Variants in STXBP6 observed in about 807,000 individuals in gnomAD.
STXBP6 encodes the protein syntaxin binding protein 6, also known as syntaxin-binding protein 6.
STXBP6 carries 21 observed loss-of-function variants against 26.9 expected under a neutral mutation model. The observed-to-expected ratio is 0.78, with a 90% CI of 0.55 to 1.12. The LOEUF (loss-of-function observed/expected upper bound fraction) is 1.12. Among genes scored for constraint, STXBP6 ranks in the 50% most tolerant of loss-of-function variants. The pLI, the probability that STXBP6 is intolerant of heterozygous loss-of-function variation, is 0.00. For synonymous variants in STXBP6, 97 were observed against 92.6 expected (o/e 1.05, Z -0.27); for missense variants, 232 against 257.9 (o/e 0.90, Z 0.69).
chr14:25,024,244 G>A (rs2075308703), intron 1 of STXBP6, among the ~76,000 whole-genome samples: 2 of 152,104 alleles, frequency 1.3e-5, no homozygotes, highest in Non-Finnish European at 2.9e-5. Flanking sequence ...GAGAGGCGGA[G>A]GTTGCAGTGA....
At chr14:24,937,186 T>C (rs1484127957) in intron 2 of STXBP6, among the ~76,000 whole-genome samples, 1 of 152,178 alleles carries the variant, frequency 6.6e-6, no homozygotes, top group Non-Finnish European at 1.5e-5. Flanking sequence ...ATACCTAATG[T>C]AGGTGACAAG....
At chr14:25,008,216 CT>C (rs1204959050) in intron 1 of STXBP6, among the ~76,000 whole-genome samples, 1 of 152,182 alleles carries the variant, frequency 6.6e-6, no homozygotes, top group East Asian at 1.9e-4. Flanking sequence ...AAAAGTTTAT[CT>C]TTTTGGCCAG....
rs555075446 is a variant in STXBP6, at chr14:24,990,777, A to G, written c.-32-15927T>C. Among the ~76,000 whole-genome samples the G allele has an allele frequency of 5.8e-4, 89 of 152,150 alleles. 1 individual carries two copies. The highest frequency in any genetic ancestry group is 2.1e-3 in the African/African-American group (88 of 41,508). ...TTATGCAGAAAGAGGCTGAGAGAAG[A>G]AGGTTGATCACATACAAGCAAATGC... is the stretch of plus-strand genomic sequence containing the variant. On this transcript the variant is annotated intron_variant, in intron 1 of 5. Transcript: ENST00000323944.
At chr14:24,825,428 A>G (rs1268655567) in intron 4 of STXBP6, among the ~76,000 whole-genome samples, 1 of 152,210 alleles carries the variant, frequency 6.6e-6, no homozygotes. Flanking sequence ...TTCAAGGACC[A>G]AGAAACTTAC....
chr14:24,984,773 C>T (rs1441515377), intron 1 of STXBP6, among the ~76,000 whole-genome samples: 2 of 152,118 alleles, frequency 1.3e-5, no homozygotes, highest in Non-Finnish European at 2.9e-5. Flanking sequence ...TATTAATATG[C>T]TTATACTCCG....
intron 4 of STXBP6, among the ~76,000 whole-genome samples, chr14:24,824,545 C>T (rs2068229850): frequency 6.6e-6 from 1 of 152,170 alleles, no homozygotes; most frequent in African/African-American, 2.4e-5. Flanking sequence ...ATACCAAGCT[C>T]TTTCTATATT....
In STXBP6 at chr14:24,968,249, T is replaced by C. The variant is rs113656716; in HGVS notation, c.154+6416A>G. Among the ~76,000 whole-genome samples, 91 of 150,928 alleles carry C rather than the reference T, an allele frequency of 6.0e-4. 1 individual carries two copies. The highest frequency in any genetic ancestry group is 2.1e-3 in the African/African-American group (87 of 41,284). ...CACTGCTAATACCTTTGTGTGCCTC[T>C]GACTTCAGTGTGAATTTCTTCGTTT... On this transcript the variant is annotated intron_variant, in intron 2 of 5. Coordinates refer to ENST00000323944, the MANE Select transcript of STXBP6 (RefSeq NM_001394410.1).
At chr14:24,821,342 C>T (rs2068125809) in intron 4 of STXBP6, among the ~76,000 whole-genome samples, 2 of 152,318 alleles carry the variant, frequency 1.3e-5, no homozygotes, top group Admixed American at 6.5e-5. Flanking sequence ...GATCTTCACT[C>T]GTGTTTCTGG....
intron 4 of STXBP6, among the ~76,000 whole-genome samples, chr14:24,847,385 C>A (rs989136531): frequency 5.9e-5 from 9 of 152,110 alleles, no homozygotes; most frequent in African/African-American, 2.2e-4. Flanking sequence ...AGAACAGCCC[C>A]TTTAGTCTCA....
At chr14:24,821,791 T>A (rs1337803149) in intron 4 of STXBP6, among the ~76,000 whole-genome samples, 1 of 152,184 alleles carries the variant, frequency 6.6e-6, no homozygotes, top group Non-Finnish European at 1.5e-5. Flanking sequence ...CACCTGTAGA[T>A]GCAATGACTT....
chr14:24,927,322 T>C (rs1415087879), intron 2 of STXBP6, among the ~76,000 whole-genome samples: 1 of 152,184 alleles, frequency 6.6e-6, no homozygotes, highest in Non-Finnish European at 1.5e-5. Flanking sequence ...CAATCCACAT[T>C]CCCTGAAATG....
intron 1 of STXBP6, among the ~76,000 whole-genome samples, chr14:25,044,147 G>T (rs931428799): frequency 7.2e-6 from 1 of 138,100 alleles, no homozygotes; most frequent in African/African-American, 2.8e-5. Context: ...CTTCAGCCTG[G>T]GAGACAGAAT....
intron 1 of STXBP6, among the ~76,000 whole-genome samples, chr14:24,991,207 G>A (rs982909295): frequency 2.6e-5 from 4 of 151,912 alleles, no homozygotes; most frequent in African/African-American, 9.7e-5. Context: ...AGAAAAGGAA[G>A]CATCCAGAAC....
intron 2 of STXBP6, among the ~76,000 whole-genome samples, chr14:24,955,784 C>T (rs2073324133): frequency 6.6e-6 from 1 of 152,204 alleles, no homozygotes. Flanking sequence ...CAGGAGACAA[C>T]AACCACAGTA....
intron 4 of STXBP6, among the ~76,000 whole-genome samples, chr14:24,824,034 T>C (rs1025749962): frequency 6.6e-6 from 1 of 152,224 alleles, no homozygotes; most frequent in African/African-American, 2.4e-5. Context: ...GTACCTAAGG[T>C]ACAATTAAGT....
chr14:24,852,950 ATCTC>A (rs1399004302), intron 4 of STXBP6, among the ~76,000 whole-genome samples: 3 of 152,120 alleles, frequency 2.0e-5, no homozygotes, highest in Non-Finnish European at 2.9e-5. Context: ...AAGCTATTTG[ATCTC>A]TCTGATTCTG....
intron 1 of STXBP6, among the ~76,000 whole-genome samples, chr14:25,019,017 T>G (rs1486993047): frequency 1.4e-4 from 21 of 152,168 alleles, no homozygotes; most frequent in Admixed American, 1.4e-3. Context: ...TCGGTAGGCT[T>G]CTACCTCATC....
At chr14:24,912,885 A>T (rs2071625458) in intron 2 of STXBP6, among the ~76,000 whole-genome samples, 1 of 152,194 alleles carries the variant, frequency 6.6e-6, no homozygotes, top group Non-Finnish European at 1.5e-5. Flanking sequence ...TTTTACTAAA[A>T]CACTGGTCTA....
chr14:24,898,499 G>A (rs1272316379), intron 2 of STXBP6, among the ~76,000 whole-genome samples: 31 of 152,042 alleles, frequency 2.0e-4, no homozygotes, highest in Non-Finnish European at 4.0e-4. Flanking sequence ...CAATATGGTG[G>A]AACCCCATCT....
Sources: gnomAD v4.1 joint callset for allele counts (sites outside exome capture counted in the v4.1 genomes callset) on GRCh38, gnomAD v4.1.1 for gene constraint, MANE v1.5 for transcripts, NCBI Gene and HGNC (gene_info 2026-07-23, HGNC 2026-07-21) for gene names.